PGGT1B: variants seen among roughly 807,000 people sequenced by gnomAD.
The protein encoded by PGGT1B is geranylgeranyl transferase type-1 subunit beta.
Under a neutral mutation model 46.1 loss-of-function variants are expected in PGGT1B, and 30 were observed. The ratio of observed to expected loss-of-function variants is 0.65; its 90% confidence interval spans 0.49 to 0.88. The LOEUF is 0.88. Among genes scored for constraint, PGGT1B ranks in the 40% least tolerant of loss-of-function variants. The pLI is 0.00. For missense variants in PGGT1B, 376 were observed against 455.9 expected (o/e 0.82, Z 1.60); for synonymous variants, 170 against 160.0 (o/e 1.06, Z -0.47).
chr5:115,258,829 G>A (rs752982152), intron 1 of PGGT1B, among the ~76,000 whole-genome samples: 4 of 152,182 alleles, frequency 2.6e-5, no homozygotes, highest in African/African-American at 4.8e-5. Context: ...GCACTTGTCA[G>A]AAATGCAGCA....
rs1286680694 is a variant in PGGT1B at position 115,244,015 on chromosome 5, T to C, written c.260-2409A>G. On this transcript the variant is annotated intron_variant, in intron 2 of 8. Coordinates refer to ENST00000419445, the MANE Select transcript of PGGT1B (RefSeq NM_005023.4). ...TTCATGTGATTATACTGAGCCCACC[T>C]GTACACATGTCACCTATGGATAAGC... Among the ~76,000 whole-genome samples the C allele has an allele frequency of 3.3e-5, 5 of 152,184 alleles. No homozygotes were observed. In the East Asian group the frequency reaches 9.7e-4, roughly 29 times the overall value.
At position 115,210,689 on chromosome 5, in the gene PGGT1B, C is replaced by CT. The variant is rs1404793854; in HGVS notation, c.*1712dup. 1 of 151,912 alleles carries CT rather than the reference C, an allele frequency of 6.6e-6. No individual in the cohort carries two copies. Among genetic ancestry groups the CT allele is most frequent in the Non-Finnish European group, 1.5e-5 (1 of 67,934 alleles). 9.4% of individuals were successfully genotyped at this position (151,912 alleles called of 1,614,324 possible). ...GGTGATACAGAAAAAACAATTTGGG[C>CT]TTTTTATATAGTCCTAAAGCCATTA... On this transcript the variant is annotated 3_prime_UTR_variant, in exon 9 of 9. Coordinates refer to ENST00000419445, the MANE Select transcript of PGGT1B (RefSeq NM_005023.4).
intron 7 of PGGT1B, among the ~76,000 whole-genome samples, chr5:115,219,479 T>G (rs529697741): frequency 1.3e-5 from 2 of 152,000 alleles, no homozygotes; most frequent in Admixed American, 6.5e-5. Flanking sequence ...CATTAAGGCC[T>G]GAAACCATAA....
At chr5:115,236,256 A>C (rs955441508) in intron 5 of PGGT1B, 134 bp downstream of exon 5, 2 of 642,762 alleles carry the variant, frequency 3.1e-6, no homozygotes, top group Non-Finnish European at 2.7e-6. Context: ...GTTCTGATAC[A>C]CAATTTACCA....
At chr5:115,225,379 AG>A (rs1756739674) in intron 6 of PGGT1B, among the ~76,000 whole-genome samples, 1 of 147,196 alleles carries the variant, frequency 6.8e-6, no homozygotes, top group South Asian at 2.2e-4. Context: ...AGGGTAAAGG[AG>A]GTGTTCCTGA....
At chr5:115,230,085 T>G (rs1756929553) in intron 6 of PGGT1B, among the ~76,000 whole-genome samples, 2 of 152,046 alleles carry the variant, frequency 1.3e-5, no homozygotes, top group African/African-American at 4.8e-5. Flanking sequence ...TACAAACCAC[T>G]TTCCCCCATA....
chr5:115,219,883 A>G (rs1756534596), intron 7 of PGGT1B, among the ~76,000 whole-genome samples: 1 of 151,868 alleles, frequency 6.6e-6, no homozygotes, highest in African/African-American at 2.4e-5. Flanking sequence ...ATGAAATGAC[A>G]CTTCAGATCC....
chr5:115,205,654 G>C lies in PGGT1B; in HGVS notation c.*6748C>G, dbSNP rs939652638. 3 of 151,956 alleles carry C rather than the reference G, an allele frequency of 2.0e-5. No homozygotes were observed. Among genetic ancestry groups the C allele is most frequent in the Non-Finnish European group, 4.4e-5 (3 of 67,938 alleles). 9.4% of individuals were successfully genotyped at this position (151,956 alleles called of 1,614,324 possible). On this transcript the variant is annotated 3_prime_UTR_variant, in exon 9 of 9. Coordinates refer to ENST00000419445, the MANE Select transcript of PGGT1B (RefSeq NM_005023.4). The stretch of plus-strand genomic sequence containing the variant: ...TGAGTTTGAGGAACGAAGCCACAAA[G>C]GTCTTTTCTAATGCCACAATTATTA...
chr5:115,257,135 A>G (rs567308864), intron 1 of PGGT1B, among the ~76,000 whole-genome samples: 1 of 152,296 alleles, frequency 6.6e-6, no homozygotes, highest in East Asian at 1.9e-4. Flanking sequence ...GAATCAATTC[A>G]CAGACAAGAG....
chr5:115,243,420 CAAGTT>C (rs1316005222), intron 2 of PGGT1B, among the ~76,000 whole-genome samples: 5 of 151,968 alleles, frequency 3.3e-5, no homozygotes, highest in African/African-American at 1.2e-4. Context: ...TGTATTTGAT[CAAGTT>C]AAGCAAAAAA....
At chr5:115,229,551 TAGACA>T (rs1216417568) in intron 6 of PGGT1B, among the ~76,000 whole-genome samples, 4 of 152,118 alleles carry the variant, frequency 2.6e-5, no homozygotes, top group Admixed American at 2.6e-4. Context: ...CAGGACCCAT[TAGACA>T]GTGTCATGTT....
At chr5:115,220,772 C>CT (rs1443602285) in intron 7 of PGGT1B, among the ~76,000 whole-genome samples, 1 of 150,646 alleles carries the variant, frequency 6.6e-6, no homozygotes, top group Non-Finnish European at 1.5e-5. Flanking sequence ...GATAATGACA[C>CT]TAAGGTTCTG....
intron 2 of PGGT1B, among the ~76,000 whole-genome samples, chr5:115,244,661 G>A (rs890399523): frequency 5.3e-5 from 8 of 151,696 alleles, no homozygotes; most frequent in African/African-American, 1.7e-4. Flanking sequence ...GCATGATCTC[G>A]GCTCACTGCA....
At chr5:115,246,890 G>A (rs1044027817) in intron 2 of PGGT1B, among the ~76,000 whole-genome samples, 5 of 152,098 alleles carry the variant, frequency 3.3e-5, no homozygotes, top group Admixed American at 3.3e-4. Context: ...AAAAATTGAG[G>A]TTACTGAAGA....
At chr5:115,252,513 GTATAAGT>G (rs1240402317) in intron 2 of PGGT1B, among the ~76,000 whole-genome samples, 1 of 151,872 alleles carries the variant, frequency 6.6e-6, no homozygotes, top group Non-Finnish European at 1.5e-5. Context: ...TTTATAACAT[GTATAAGT>G]TATATCTATC....
rs1399338717 is a variant in PGGT1B at position 115,208,177 on chromosome 5, A to C, written c.*4225T>G. 6.6e-6 allele frequency: 1 copy of C among 151,898 alleles called. No homozygotes were observed. Among genetic ancestry groups the C allele is most frequent in the African/African-American group, 2.4e-5 (1 of 41,394 alleles). The allele number at this position is 151,898 out of a possible 1,614,324, so 9.4% of individuals were successfully genotyped here. A position where few individuals can be genotyped will look rare whatever the true frequency, so the allele number is the denominator to read the frequency against. On this transcript the variant is annotated 3_prime_UTR_variant, in exon 9 of 9. Coordinates refer to ENST00000419445, the MANE Select transcript of PGGT1B (RefSeq NM_005023.4). ...GATTGCTCTATATTTTCTTTTTGGT[A>C]CCATCTTTGTCAGGTTTTTGAATCA...
At position 115,206,005 on chromosome 5, in the gene PGGT1B, T is replaced by C. The variant is rs1343181564; in HGVS notation, c.*6397A>G. ...TACTTATGCACTGACCTAATATGTT[T>C]ATGCAACGTGATACTATGCAACTAT... On this transcript the variant is annotated 3_prime_UTR_variant, in exon 9 of 9. Transcript: ENST00000419445. 6.6e-6 allele frequency: 1 copy of C among 151,942 alleles called. No individual in the cohort carries two copies. Among genetic ancestry groups the C allele is most frequent in the African/African-American group, 2.4e-5 (1 of 41,418 alleles). 9.4% of individuals were successfully genotyped at this position (151,942 alleles called of 1,614,324 possible). A position where few individuals can be genotyped will look rare whatever the true frequency, so the allele number is the denominator to read the frequency against.
Position 115,262,671 on chromosome 5 carries a change from C to A in PGGT1B, c.140+41G>T, listed in dbSNP as rs368307190. ...CTCCGCCGCGCCTTTCCGCTGGAGC[C>A]CGGGCCTTGTGCCAGCCTGGCTGAC... On this transcript the variant is annotated intron_variant, in intron 1 of 8. Coordinates refer to ENST00000419445, the MANE Select transcript of PGGT1B (RefSeq NM_005023.4). 128 of 1,570,856 alleles carry A rather than the reference C, an allele frequency of 8.1e-5. No homozygotes were observed. The African/African-American group carries it at 1.6e-3, about 19-fold the overall frequency.
intron 4 of PGGT1B, among the ~76,000 whole-genome samples, chr5:115,236,733 C>G (rs1757195101): frequency 6.6e-6 from 1 of 152,120 alleles, no homozygotes; most frequent in Non-Finnish European, 1.5e-5. Flanking sequence ...CATCATTCTA[C>G]TACAAACTTT....
Sources: gnomAD v4.1 joint callset for allele counts (sites outside exome capture counted in the v4.1 genomes callset) on GRCh38, gnomAD v4.1.1 for gene constraint, MANE v1.5 for transcripts, NCBI Gene and HGNC (gene_info 2026-07-23, HGNC 2026-07-21) for gene names.